The following SAMD5 variants were observed in gnomAD, a reference collection of about 807,000 sequenced individuals.
The protein encoded by SAMD5 is sterile alpha motif domain containing 5, also known as sterile alpha motif domain-containing protein 5.
Under a neutral mutation model 11.3 loss-of-function variants are expected in SAMD5, and 13 were observed. The ratio of observed to expected loss-of-function variants is 1.15; its 90% confidence interval spans 0.75 to 1.83. The LOEUF (loss-of-function observed/expected upper bound fraction) is 1.83, where lower values mean the gene tolerates loss of function less well. SAMD5 is among the 40% of genes most tolerant of loss of function. The probability of loss-of-function intolerance (pLI) is 0.00; values close to 1 mark genes in which losing one functional copy is unlikely to be tolerated. For synonymous variants in SAMD5, 129 were observed against 111.3 expected, an observed-to-expected ratio of 1.16 and a Z score of -1.00; for missense variants, 255 against 239.1, an observed-to-expected ratio of 1.07 and a Z score of -0.44.
the SAMD5 span, among the ~76,000 whole-genome samples, chr6:147,793,113 C>T: frequency 6.6e-6 from 1 of 152,084 alleles, no homozygotes; most frequent in Non-Finnish European, 1.5e-5. Context: ...CAGAGAGAAA[C>T]CTGACAAACA....
At chr6:147,702,966 T>C (rs1394853508) in intron 1 of SAMD5, among the ~76,000 whole-genome samples, 1 of 152,208 alleles carries the variant, frequency 6.6e-6, no homozygotes, top group East Asian at 1.9e-4. Context: ...GGTGGGGAAC[T>C]CAGGAAGGAC....
At chr6:147,687,425 C>T (rs893364169) in intron 1 of SAMD5, among the ~76,000 whole-genome samples, 6 of 151,598 alleles carry the variant, frequency 4.0e-5, no homozygotes, top group African/African-American at 9.7e-5. Flanking sequence ...CACAGACATG[C>T]GCCACCATAC....
At chr6:147,871,188 G>A in the SAMD5 span, among the ~76,000 whole-genome samples, 13 of 152,142 alleles carry the variant, frequency 8.5e-5, no homozygotes, top group Non-Finnish European at 1.9e-4. Flanking sequence ...AGAGTGTTAA[G>A]ATAATTTAAT....
intron 1 of SAMD5, among the ~76,000 whole-genome samples, chr6:147,705,572 C>A (rs893595426): frequency 6.6e-6 from 1 of 152,110 alleles, no homozygotes; most frequent in African/African-American, 2.4e-5. Flanking sequence ...TAGGAGAATT[C>A]TACTGTATCC....
At chr6:147,571,271 C>T (rs1789134688), downstream of SAMD5, among the ~76,000 whole-genome samples, 1 of 152,100 alleles carries the variant, frequency 6.6e-6, no homozygotes, top group Non-Finnish European at 1.5e-5. Flanking sequence ...GTAAAGTTCA[C>T]AAATAAGTGT....
the SAMD5 span, among the ~76,000 whole-genome samples, chr6:147,766,568 CAGGCAT>C: frequency 2.0e-5 from 3 of 152,114 alleles, no homozygotes; most frequent in African/African-American, 7.2e-5. Context: ...GTTTTATGCC[CAGGCAT>C]AGTATCAATA....
At chr6:147,872,362 T>C in the SAMD5 span, among the ~76,000 whole-genome samples, 3 of 152,114 alleles carry the variant, frequency 2.0e-5, no homozygotes, top group Non-Finnish European at 2.9e-5. Context: ...CCTCCCAAAC[T>C]TGTGGGATTA....
At chr6:147,877,889 A>ACACACACACACAC in the SAMD5 span, among the ~76,000 whole-genome samples, 1 of 76,846 alleles carries the variant, frequency 1.3e-5, no homozygotes, top group African/African-American at 4.1e-5. Flanking sequence ...CACGATAGAT[A>ACACACACACACAC]GATAGCTAGA....
intron 1 of SAMD5, among the ~76,000 whole-genome samples, chr6:147,603,650 T>G (rs1184498267): frequency 6.6e-6 from 1 of 152,172 alleles, no homozygotes. Context: ...ACTGGTTATG[T>G]GTAAAGCCAA....
At chr6:147,549,662 A>G (rs1354620570) in intron 1 of SAMD5, among the ~76,000 whole-genome samples, 7 of 152,000 alleles carry the variant, frequency 4.6e-5, no homozygotes, top group Admixed American at 3.9e-4. Context: ...CTAGGATCAC[A>G]TTCCCAAATA....
the SAMD5 span, among the ~76,000 whole-genome samples, chr6:147,937,220 G>C: frequency 5.3e-5 from 8 of 152,192 alleles, no homozygotes; most frequent in Admixed American, 4.6e-4. Context: ...AAGCCTCTAG[G>C]TTCTTTTTGT....
Position 147,565,213 on chromosome 6 carries a change from A to G in SAMD5, c.*757A>G. 1 of 985,818 alleles carries G rather than the reference A, an allele frequency of 1.0e-6. No homozygotes were observed. Among genetic ancestry groups the G allele is most frequent in the Non-Finnish European group, 1.2e-6 (1 of 829,966 alleles). The allele number at this position is 985,818 out of a possible 1,614,324, so 61.1% of individuals were successfully genotyped here. A position where few individuals can be genotyped will look rare whatever the true frequency, so the allele number is the denominator to read the frequency against. On this transcript the variant is annotated 3_prime_UTR_variant, in exon 2 of 2. Coordinates refer to ENST00000367474, the MANE Select transcript of SAMD5 (RefSeq NM_001030060.3). ...TTTTACTTCATAGCTAGTTTCTTGC[A>G]CTCTGTGGAGACTGCCAGGGCCGCA...
chr6:147,764,152 G>T, the SAMD5 span, among the ~76,000 whole-genome samples: 1 of 152,134 alleles, frequency 6.6e-6, no homozygotes, highest in East Asian at 1.9e-4. Flanking sequence ...AATAACTCAG[G>T]TATGTTAACT....
At chr6:147,951,189 C>CT in the SAMD5 span, among the ~76,000 whole-genome samples, 310 of 146,450 alleles carry the variant, frequency 2.1e-3, 1 homozygote, top group African/African-American at 5.2e-3. Context: ...TTCTTTCTTT[C>CT]TTTTTTTTTT....
rs373375289 is a variant in SAMD5, at chr6:147,732,687, G to T, written c.163-4630G>T. Among the ~76,000 whole-genome samples, 165 of 152,218 alleles carry T rather than the reference G, an allele frequency of 1.1e-3. 3 individuals carry two copies. Among genetic ancestry groups the T allele is most frequent in the African/African-American group, 3.7e-3 (155 of 41,538 alleles). On this transcript the variant is annotated intron_variant, in intron 1 of 1. Transcript: ENST00000566741. ...TGTTTTCCCTGGTGTAATACTATTT[G>T]TTCAAGGGTATTTGTTTTTGGAATC...
the SAMD5 span, among the ~76,000 whole-genome samples, chr6:147,818,438 A>G: frequency 6.6e-6 from 1 of 152,220 alleles, no homozygotes; most frequent in Non-Finnish European, 1.5e-5. Context: ...AAATATAAAT[A>G]TATGCAGTTA....
At chr6:147,701,971 C>T (rs1040930931) in intron 1 of SAMD5, among the ~76,000 whole-genome samples, 2 of 152,022 alleles carry the variant, frequency 1.3e-5, no homozygotes, top group Non-Finnish European at 2.9e-5. Flanking sequence ...GAATTGGAAA[C>T]GGGAAGGGCC....
intron 1 of SAMD5, among the ~76,000 whole-genome samples, chr6:147,513,261 CA>C (rs1788116832): frequency 6.6e-6 from 1 of 152,136 alleles, no homozygotes; most frequent in Non-Finnish European, 1.5e-5. Flanking sequence ...AGAGGCAAGC[CA>C]AACACTTAGG....
chr6:147,651,248 C>T lies in SAMD5; in HGVS notation c.163-86069C>T, dbSNP rs527655100. Among the ~76,000 whole-genome samples, 30 of 152,282 alleles carry T rather than the reference C, an allele frequency of 2.0e-4. 1 individual carries two copies. Among genetic ancestry groups the T allele is most frequent in the African/African-American group, 6.7e-4 (28 of 41,566 alleles). ...TTTGGCTAAAAATAGCAAACGATTA[C>T]GGTCCAGCTCGCATTGTAGGAACAG... On this transcript the variant is annotated intron_variant, in intron 1 of 1. Transcript: ENST00000566741.
Sources: gnomAD v4.1 joint callset for allele counts (sites outside exome capture counted in the v4.1 genomes callset) on GRCh38, gnomAD v4.1.1 for gene constraint, MANE v1.5 for transcripts, NCBI Gene and HGNC (gene_info 2026-07-23, HGNC 2026-07-21) for gene names.